Variants in RPTOR observed in about 807,000 individuals in gnomAD.
RPTOR encodes regulatory associated protein of MTOR complex 1.
Under a neutral mutation model 169.9 loss-of-function variants are expected in RPTOR, and 21 were observed. The ratio of observed to expected loss-of-function variants is 0.12; its 90% CI spans 0.09 to 0.18. RPTOR has a LOEUF of 0.18. RPTOR is among the 10% of genes least tolerant of loss of function. The pLI is 1.00. For synonymous variants in RPTOR, 732 were observed against 753.2 expected, an observed-to-expected ratio of 0.97 and a Z score of 0.46; for missense variants, 1,133 against 1,855.9, an observed-to-expected ratio of 0.61 and a Z score of 7.16.
At chr17:80,846,709 A>G in intron 11 of RPTOR, 135 bp downstream of exon 11, 1 of 694,804 alleles carries the variant, frequency 1.4e-6, no homozygotes, top group Non-Finnish European at 2.5e-6. Context: ...TGCCCCGAAG[A>G]TGATGGTGCA....
chr17:80,608,992 C>A (rs910346364), intron 1 of RPTOR, among the ~76,000 whole-genome samples: 1 of 152,110 alleles, frequency 6.6e-6, no homozygotes, highest in Non-Finnish European at 1.5e-5. Flanking sequence ...GGAGGTGTTA[C>A]AATGACAAGA....
At chr17:80,700,186 T>A (rs952265690) in intron 3 of RPTOR, among the ~76,000 whole-genome samples, 1 of 152,186 alleles carries the variant, frequency 6.6e-6, no homozygotes, top group Non-Finnish European at 1.5e-5. Flanking sequence ...AGATTATGTC[T>A]AGTGATCAGG....
chr17:80,888,506 G>A, intron 17 of RPTOR, among the ~76,000 whole-genome samples: 1 of 152,244 alleles, frequency 6.6e-6, no homozygotes, highest in East Asian at 1.9e-4. Context: ...AGCGGAGTGG[G>A]TGGCCCTCAG....
At chr17:80,559,813 C>T (rs978343689) in intron 1 of RPTOR, among the ~76,000 whole-genome samples, 8 of 152,172 alleles carry the variant, frequency 5.3e-5, no homozygotes, top group African/African-American at 1.9e-4. Context: ...AAGGGAGCCT[C>T]GGAATGGCTA....
chr17:80,961,261 CGTG>C (rs2069336328), intron 30 of RPTOR, 130 bp from the exon 31 acceptor site: 1 of 760,630 alleles, frequency 1.3e-6, no homozygotes, highest in Admixed American at 2.8e-5. Flanking sequence ...ACTAGCCCCT[CGTG>C]GGGAGCGGAC....
intron 21 of RPTOR, among the ~76,000 whole-genome samples, chr17:80,910,040 C>T (rs1452575430): frequency 2.6e-4 from 40 of 152,158 alleles, no homozygotes; most frequent in Admixed American, 2.6e-3. Context: ...TGGGTTGTCA[C>T]TCTACCCTTG....
At chr17:80,573,146 A>T (rs942704029) in intron 1 of RPTOR, among the ~76,000 whole-genome samples, 4 of 152,178 alleles carry the variant, frequency 2.6e-5, no homozygotes, top group African/African-American at 7.2e-5. Flanking sequence ...GTCATTGGTC[A>T]GCCCTAGCAC....
chr17:80,624,331 G>A (rs901857549), intron 1 of RPTOR, among the ~76,000 whole-genome samples: 35 of 152,170 alleles, frequency 2.3e-4, no homozygotes, highest in African/African-American at 6.3e-4. Flanking sequence ...ACTTCTTAAC[G>A]TTAAGTTAAA....
chr17:80,674,053 T>G (rs1181310868), intron 3 of RPTOR, among the ~76,000 whole-genome samples: 1 of 152,230 alleles, frequency 6.6e-6, no homozygotes, highest in African/African-American at 2.4e-5. Context: ...ATTGCCCCCA[T>G]CAACTTTTTG....
At chr17:80,703,910 A>G (rs753709273) in intron 3 of RPTOR, among the ~76,000 whole-genome samples, 29 of 152,216 alleles carry the variant, frequency 1.9e-4, no homozygotes, top group Non-Finnish European at 3.1e-4. Context: ...TAGACTGGCC[A>G]TTATCACGCC....
rs28377227 is a variant in RPTOR at position 80,827,470 on chromosome 17, C to G, written c.1136+4247C>G. On this transcript the variant is annotated intron_variant, in intron 9 of 33. Coordinates refer to ENST00000306801, the MANE Select transcript of RPTOR (RefSeq NM_020761.3). Reference sequence around the variant, plus strand: ...GTGGGGTCCTTAGCTTGGCCTCCCACCACTCAGAGCCAGCGCAGGAGCCGG... The same window carrying G: ...GTGGGGTCCTTAGCTTGGCCTCCCAGCACTCAGAGCCAGCGCAGGAGCCGG... Among the ~76,000 whole-genome samples the G allele has an allele frequency of 8.1e-3, 1,236 of 152,334 alleles. 20 individuals carry two copies. The highest frequency in any genetic ancestry group is 0.028 in the African/African-American group (1,178 of 41,562).
chr17:80,557,421 G>T (rs1174818501), intron 1 of RPTOR, among the ~76,000 whole-genome samples: 1 of 151,734 alleles, frequency 6.6e-6, no homozygotes, highest in African/African-American at 2.4e-5. Context: ...GGAGGCTGAG[G>T]TATGAGAATC....
chr17:80,794,070 C>T (rs1276086695), intron 7 of RPTOR, among the ~76,000 whole-genome samples: 1 of 151,714 alleles, frequency 6.6e-6, no homozygotes, highest in Non-Finnish European at 1.5e-5. Flanking sequence ...GCATGATTCA[C>T]AAAAGAAAAA....
chr17:80,846,376 C>CA (rs2067730481), intron 10 of RPTOR, 97 bp from the exon 11 acceptor site: 3 of 1,253,606 alleles, frequency 2.4e-6, no homozygotes. Flanking sequence ...GCGGGCCCTT[C>CA]GTGAAGGCTT....
chr17:80,880,527 C>T, intron 14 of RPTOR, 38 bp downstream of exon 14: 4 of 1,590,386 alleles, frequency 2.5e-6, no homozygotes, highest in Non-Finnish European at 3.5e-6. Context: ...GGGCTTGGGA[C>T]TCAGCACTCG....
At chr17:80,597,883 C>T (rs2065155770) in intron 1 of RPTOR, among the ~76,000 whole-genome samples, 1 of 151,902 alleles carries the variant, frequency 6.6e-6, no homozygotes, top group Non-Finnish European at 1.5e-5. Flanking sequence ...TTCACACCTG[C>T]AATCCCAGCA....
chr17:80,930,462 G>A (rs111641690), intron 24 of RPTOR, among the ~76,000 whole-genome samples: 4 of 56,046 alleles, frequency 7.1e-5, no homozygotes, highest in Non-Finnish European at 1.1e-4. Flanking sequence ...CTCATCCCCA[G>A]CTCATCCCCA....
chr17:80,788,994 T>G (rs988138289), intron 6 of RPTOR, among the ~76,000 whole-genome samples: 18 of 152,266 alleles, frequency 1.2e-4, no homozygotes, highest in Admixed American at 3.3e-4. Flanking sequence ...GTTTGCATAC[T>G]ATCAGTGACT....
At chr17:80,654,661 C>T (rs1205157496) in intron 3 of RPTOR, among the ~76,000 whole-genome samples, 1 of 152,146 alleles carries the variant, frequency 6.6e-6, no homozygotes, top group Non-Finnish European at 1.5e-5. Flanking sequence ...TGCTGCTTAC[C>T]CCGGACTGGA....
Sources: gnomAD v4.1 joint callset for allele counts (sites outside exome capture counted in the v4.1 genomes callset) on GRCh38, gnomAD v4.1.1 for gene constraint, MANE v1.5 for transcripts, NCBI Gene and HGNC (gene_info 2026-07-23, HGNC 2026-07-21) for gene names.